GAB2: variants seen among roughly 807,000 people sequenced by gnomAD.
The protein encoded by GAB2 is GRB2-associated-binding protein 2.
GAB2 carries 26 observed loss-of-function variants against 65.5 expected under a neutral mutation model. That is an observed-to-expected ratio of 0.40 (90% CI 0.29 to 0.55). The LOEUF (loss-of-function observed/expected upper bound fraction) is 0.55, where lower values mean the gene tolerates loss of function less well. GAB2 is among the 20% of genes least tolerant of loss of function. GAB2 has a pLI of 0.53. For missense variants in GAB2, 884 were observed against 875.8 expected, an observed-to-expected ratio of 1.01 and a Z score of -0.12; for synonymous variants, 321 against 329.6, an observed-to-expected ratio of 0.97 and a Z score of 0.28.
intron 3 of GAB2, among the ~76,000 whole-genome samples, chr11:78,229,530 G>T (rs1864778040): frequency 1.3e-5 from 2 of 152,100 alleles, no homozygotes; most frequent in Non-Finnish European, 2.9e-5. Flanking sequence ...CTCTTATTTT[G>T]GGAATGGCAA....
intron 5 of GAB2, 47 bp from the exon 6 acceptor site, chr11:78,223,723 G>T: frequency 1.4e-6 from 2 of 1,480,798 alleles, no homozygotes; most frequent in African/African-American, 1.4e-5. Flanking sequence ...CTAGCAAGAA[G>T]AAACAGGAAG....
intron 1 of GAB2, among the ~76,000 whole-genome samples, chr11:78,288,938 C>T (rs1465863809): frequency 6.6e-6 from 1 of 152,192 alleles, no homozygotes; most frequent in Non-Finnish European, 1.5e-5. Context: ...CTACAACAAT[C>T]AAGACTGTGT....
intron 4 of GAB2, among the ~76,000 whole-genome samples, chr11:78,226,236 T>G (rs1864645560): frequency 6.6e-6 from 1 of 152,230 alleles, no homozygotes; most frequent in South Asian, 2.1e-4. Context: ...TAGTAGAACA[T>G]TAACTTCTCT....
rs561762532 is a variant in GAB2 at position 78,233,967 on chromosome 11, T to C, written c.621-6916A>G. On this transcript the variant is annotated intron_variant, in intron 3 of 9. Transcript: ENST00000361507. Reference sequence around the variant, plus strand: ...AACTAGTTTTAATTTTGATAAAGACTACTTCACCAAAAACTACAGTTTTTT... The same window carrying C: ...AACTAGTTTTAATTTTGATAAAGACCACTTCACCAAAAACTACAGTTTTTT... 4.3e-4 allele frequency among the ~76,000 whole-genome samples: 65 copies of C among 152,366 alleles called. 1 individual carries two copies. Among genetic ancestry groups the C allele is most frequent in the Admixed American group, 2.4e-3 (37 of 15,308 alleles).
chr11:78,227,470 T>G (rs1864707511), intron 3 of GAB2, among the ~76,000 whole-genome samples: 1 of 152,000 alleles, frequency 6.6e-6, no homozygotes, highest in South Asian at 2.1e-4. Context: ...AACTAGCCCA[T>G]GGGTATTGAT....
At chr11:78,250,942 G>A (rs1293435399) in intron 2 of GAB2, among the ~76,000 whole-genome samples, 1 of 152,028 alleles carries the variant, frequency 6.6e-6, no homozygotes, top group Non-Finnish European at 1.5e-5. Flanking sequence ...TAGACACTGG[G>A]GATTATGTTA....
At chr11:78,224,252 C>G (rs939688364) in intron 5 of GAB2, among the ~76,000 whole-genome samples, 2 of 152,078 alleles carry the variant, frequency 1.3e-5, no homozygotes, top group African/African-American at 4.8e-5. Flanking sequence ...GACGCCTGAC[C>G]AACACTGTGG....
At position 78,216,876 on chromosome 11, in the gene GAB2, CCTGCCAACTCTGCCCAGTGTAG is replaced by C. The variant is rs1220805314; in HGVS notation, c.*2374_*2395del. The C allele has an allele frequency of 6.6e-6, 1 of 152,250 alleles. No homozygotes were observed. Among genetic ancestry groups the C allele is most frequent in the Non-Finnish European group, 1.5e-5 (1 of 68,084 alleles). 9.4% of individuals were successfully genotyped at this position (152,250 alleles called of 1,614,324 possible). A position where few individuals can be genotyped will look rare whatever the true frequency, so the allele number is the denominator to read the frequency against. ...AGGGCTGGGCAGAGTGAACCAGCAC[CCTGCCAACTCTGCCCAGTGTAG>C]CTACCACCACTGCTTCCATTCACTT... is the stretch of plus-strand genomic sequence containing the variant. On this transcript the variant is annotated 3_prime_UTR_variant, in exon 10 of 10. Coordinates refer to ENST00000361507, the MANE Select transcript of GAB2 (RefSeq NM_080491.3).
At chr11:78,383,830 G>A (rs1328981693) in intron 1 of GAB2, among the ~76,000 whole-genome samples, 1 of 152,136 alleles carries the variant, frequency 6.6e-6, no homozygotes, top group Non-Finnish European at 1.5e-5. Flanking sequence ...GGGAGGTGGA[G>A]GGATTGAATG....
chr11:78,316,683 G>T (rs60213140), intron 1 of GAB2, among the ~76,000 whole-genome samples: 7,070 of 152,218 alleles, frequency 0.046, 531 homozygotes, highest in African/African-American at 0.16. Context: ...TGCAATGTTG[G>T]TGGGGATATA....
chr11:78,416,074 C>A (rs188860150), intron 1 of GAB2, among the ~76,000 whole-genome samples: 142 of 151,890 alleles, frequency 9.3e-4, no homozygotes, highest in Middle Eastern at 3.4e-3. Context: ...TAGTAAATCA[C>A]TGCTCCTTAA....
chr11:78,257,322 A>T lies in GAB2; in HGVS notation c.377-6922T>A, dbSNP rs750841482. Among the ~76,000 whole-genome samples the T allele has an allele frequency of 5.3e-5, 8 of 152,240 alleles. No individual in the cohort carries two copies. The South Asian group carries it at 1.7e-3, about 32-fold the overall frequency. On this transcript the variant is annotated intron_variant, in intron 2 of 9. Coordinates refer to ENST00000361507, the MANE Select transcript of GAB2 (RefSeq NM_080491.3). ...TTTTCATCTTTATCCCTTCTCCCCCAAAAATTTATCCCCACCCTCAAGCCT... is the reference window on the plus strand; with the variant it reads ...TTTTCATCTTTATCCCTTCTCCCCCTAAAATTTATCCCCACCCTCAAGCCT...
intron 1 of GAB2, among the ~76,000 whole-genome samples, chr11:78,377,977 G>A (rs562323077): frequency 4.6e-5 from 7 of 152,262 alleles, no homozygotes; most frequent in African/African-American, 1.4e-4. Flanking sequence ...GATTCTGAGC[G>A]AAGCTGTCAC....
chr11:78,252,744 T>C (rs1201675971), intron 2 of GAB2, among the ~76,000 whole-genome samples: 2 of 152,150 alleles, frequency 1.3e-5, no homozygotes, highest in Admixed American at 6.5e-5. Context: ...GACTCCCTGC[T>C]ATATATCCCT....
chr11:78,254,342 T>A (rs1164303641), intron 2 of GAB2, among the ~76,000 whole-genome samples: 1 of 152,168 alleles, frequency 6.6e-6, no homozygotes, highest in Non-Finnish European at 1.5e-5. Flanking sequence ...GGCGCAAAAA[T>A]CCAAATATGT....
chr11:78,311,803 C>T (rs1855504246), intron 1 of GAB2, among the ~76,000 whole-genome samples: 2 of 152,056 alleles, frequency 1.3e-5, no homozygotes, highest in African/African-American at 2.4e-5. Context: ...TGGAGCGAGG[C>T]GGTAGTTAGG....
At chr11:78,286,542 C>T (rs1365849291) in intron 1 of GAB2, among the ~76,000 whole-genome samples, 3 of 152,114 alleles carry the variant, frequency 2.0e-5, no homozygotes, top group African/African-American at 4.8e-5. Context: ...AACTACATGG[C>T]AGAGTGCTTA....
At chr11:78,264,734 AACG>A (rs762878207) in intron 2 of GAB2, among the ~76,000 whole-genome samples, 8 of 152,198 alleles carry the variant, frequency 5.3e-5, no homozygotes, top group Non-Finnish European at 8.8e-5. Flanking sequence ...TGAGTACCAC[AACG>A]ACAAGTGTAA....
At chr11:78,339,817 T>C (rs193261048) in intron 1 of GAB2, among the ~76,000 whole-genome samples, 1,539 of 149,984 alleles carry the variant, frequency 0.01, 16 homozygotes, top group Middle Eastern at 0.037. Context: ...GTGAATAAAC[T>C]CTGTTCATAC....
Sources: allele counts gnomAD v4.1 joint callset (sites outside exome capture counted in the v4.1 genomes callset), GRCh38; gene constraint gnomAD v4.1.1; transcripts MANE v1.5; gene names NCBI Gene and HGNC (gene_info 2026-07-23, HGNC 2026-07-21).